CEP192: variants seen among roughly 807,000 people sequenced by gnomAD.
The protein encoded by CEP192 is centrosomal protein of 192 kDa.
In CEP192, 151 loss-of-function variants were observed where a neutral mutation model predicts 271.8. The ratio of observed to expected loss-of-function variants is 0.56; its 90% CI spans 0.49 to 0.64. The LOEUF (loss-of-function observed/expected upper bound fraction) is 0.64, where lower values mean the gene tolerates loss of function less well. Ranked by LOEUF, CEP192 falls within the 30% of genes least tolerant of loss-of-function variation. The pLI is 0.00. For synonymous variants in CEP192, 995 were observed against 1,076.5 expected, an observed-to-expected ratio of 0.92 and a Z score of 1.48; for missense variants, 2,910 against 3,020.5, an observed-to-expected ratio of 0.96 and a Z score of 0.86.
chr18:13,007,539 C>G (rs189118085), intron 3 of CEP192, among the ~76,000 whole-genome samples: 68 of 152,288 alleles, frequency 4.5e-4, no homozygotes, highest in Non-Finnish European at 1.5e-5. Context: ...TCCCCCACCT[C>G]TTTTCCTTTC....
At position 13,099,700 on chromosome 18, in the gene CEP192, A is replaced by G. The variant is rs149025625; in HGVS notation, c.6663+119A>G. On this transcript the variant is annotated intron_variant, in intron 37 of 44. Transcript: ENST00000506447. ...CAAATGAAAGCGTACTTGACCCTTC[A>G]TATTTGTGGGTTCCACTTCCAGGGA... 363 of 573,986 alleles carry G rather than the reference A, an allele frequency of 6.3e-4. 3 individuals carry two copies. In the East Asian group the frequency reaches 0.011, roughly 17 times the overall value. The allele number at this position is 573,986 out of a possible 1,614,324, so 35.6% of individuals were successfully genotyped here.
chr18:13,017,409 C>T (rs1397962976), intron 7 of CEP192, 73 bp downstream of exon 7: 3 of 1,197,616 alleles, frequency 2.5e-6, no homozygotes, highest in Non-Finnish European at 3.4e-6. Flanking sequence ...TGGATGTTCA[C>T]ATGAAATGTA....
At chr18:13,094,020 GGCC>G (rs2039274486) in intron 34 of CEP192, among the ~76,000 whole-genome samples, 1 of 152,134 alleles carries the variant, frequency 6.6e-6, no homozygotes, top group Non-Finnish European at 1.5e-5. Context: ...ATGGAGTCCA[GGCC>G]AGTTACTTTG....
intron 38 of CEP192, among the ~76,000 whole-genome samples, chr18:13,101,547 C>G (rs1598607405): frequency 6.6e-6 from 1 of 152,290 alleles, no homozygotes; most frequent in Admixed American, 6.5e-5. Flanking sequence ...TCCCTCACTG[C>G]TGGCTCAGGC....
At chr18:13,067,758 A>G in intron 21 of CEP192, 73 bp from the exon 22 acceptor site, 2 of 1,255,344 alleles carry the variant, frequency 1.6e-6, no homozygotes, top group East Asian at 2.4e-5. Flanking sequence ...TAGAAATGGC[A>G]GTGATATGAA....
At chr18:13,075,285 G>A (rs1246308926) in intron 30 of CEP192, among the ~76,000 whole-genome samples, 4 of 148,630 alleles carry the variant, frequency 2.7e-5, no homozygotes, top group South Asian at 2.2e-4. Context: ...AGAGCAGCCC[G>A]GCCGGGTGCG....
At chr18:13,005,808 A>G (rs1242477077) in intron 3 of CEP192, among the ~76,000 whole-genome samples, 3 of 152,244 alleles carry the variant, frequency 2.0e-5, no homozygotes, top group Non-Finnish European at 4.4e-5. Flanking sequence ...TTGTGTTTCA[A>G]AATGTCTTTA....
At chr18:13,091,118 G>A (rs532858759) in intron 33 of CEP192, among the ~76,000 whole-genome samples, 1 of 152,202 alleles carries the variant, frequency 6.6e-6, no homozygotes, top group South Asian at 2.1e-4. Flanking sequence ...ATCTGGGAGG[G>A]CACCTCACTT....
intron 9 of CEP192, 49 bp downstream of exon 9, chr18:13,019,255 G>A (rs774734734): frequency 6.4e-6 from 9 of 1,404,918 alleles, no homozygotes; most frequent in Non-Finnish European, 8.4e-6. Flanking sequence ...GGAATAAGGG[G>A]TCTTTTGTGT....
chr18:13,118,447 G>C (rs1179854610), intron 44 of CEP192, among the ~76,000 whole-genome samples: 1 of 152,204 alleles, frequency 6.6e-6, no homozygotes, highest in Non-Finnish European at 1.5e-5. Context: ...ATACTGGAAA[G>C]ATGGCTCGAT....
chr18:13,001,500 T>G lies in CEP192; in HGVS notation c.208T>G (p.Ser70Ala). The G allele has an allele frequency of 6.4e-7, 1 of 1,550,422 alleles. No individual in the cohort carries two copies. Among genetic ancestry groups the G allele is most frequent in the Non-Finnish European group, 8.7e-7 (1 of 1,146,002 alleles). ...QASYLVEGRF[S>A]VPSGSSPGSQ... ...ATCTTACTTAGTAGAAGGGAGATTTTCAGTTCCATCCGGGTCATCTCCCGG... is the reference window on the plus strand; with the variant it reads ...ATCTTACTTAGTAGAAGGGAGATTTGCAGTTCCATCCGGGTCATCTCCCGG... Residue 70 changes from serine (S) to alanine (A), a missense_variant, in exon 3 of 45, where the codon TCA becomes GCA. By Grantham distance (99) the Ser-to-Ala change is moderately conservative. Transcript: ENST00000506447.
intron 18 of CEP192, among the ~76,000 whole-genome samples, chr18:13,055,423 C>G (rs1447067282): frequency 1.3e-5 from 2 of 152,214 alleles, no homozygotes; most frequent in African/African-American, 4.8e-5. Context: ...TCAGCCCCCA[C>G]TCCTTCGTTA....
chr18:13,103,861 T>C, intron 39 of CEP192: 1 of 510,774 alleles, frequency 2.0e-6, no homozygotes, highest in Non-Finnish European at 3.8e-6. Flanking sequence ...AGCTAACTTT[T>C]TGTTTTTTTG....
chr18:12,994,840 G>C (rs781759457), intron 1 of CEP192, among the ~76,000 whole-genome samples: 9 of 152,114 alleles, frequency 5.9e-5, no homozygotes, highest in Non-Finnish European at 1.3e-4. Flanking sequence ...TAAATTGCAT[G>C]ATGCAAAGTC....
chr18:13,002,350 G>C (rs943578540), intron 3 of CEP192, among the ~76,000 whole-genome samples: 2 of 151,814 alleles, frequency 1.3e-5, no homozygotes, highest in Non-Finnish European at 2.9e-5. Context: ...GCAGTATTAT[G>C]TTCAGTTTTC....
In CEP192 at chr18:13,068,842, T is replaced by C. The variant is rs769318052; in HGVS notation, c.4823-10T>C. 5 of 1,611,534 alleles carry C rather than the reference T, an allele frequency of 3.1e-6. No homozygotes were observed. In the South Asian group the frequency reaches 3.3e-5, roughly 11 times the overall value. On this transcript the variant is annotated splice_polypyrimidine_tract_variant and intron_variant, in intron 24 of 44. Coordinates refer to ENST00000506447, the MANE Select transcript of CEP192 (RefSeq NM_032142.4). Reference sequence around the variant, plus strand: ...TGGTCTCCAAGCTAAAAGAATGAACTTTTTTTTAGATATTCTGGACTCAGC... The same window carrying C: ...TGGTCTCCAAGCTAAAAGAATGAACCTTTTTTTAGATATTCTGGACTCAGC...
Position 13,018,470 on chromosome 18 carries a change from C to T in CEP192, c.790-10C>T. On this transcript the variant is annotated splice_polypyrimidine_tract_variant and intron_variant, in intron 7 of 44. Coordinates refer to ENST00000506447, the MANE Select transcript of CEP192 (RefSeq NM_032142.4). The stretch of plus-strand genomic sequence containing the variant: ...AAAAGATTAATACAGCTAAGATATT[C>T]TTTCAACAGGCAAATGAAAACGGTA... 6.7e-7 allele frequency: 1 copy of T among 1,494,048 alleles called. No individual in the cohort carries two copies. The highest frequency in any genetic ancestry group is 9.0e-7 in the Non-Finnish European group (1 of 1,110,532). The allele number at this position is 1,494,048 out of a possible 1,614,324, so 92.5% of individuals were successfully genotyped here. A position where few individuals can be genotyped will look rare whatever the true frequency, so the allele number is the denominator to read the frequency against.
chr18:13,035,222 T>G (rs2035853942), intron 11 of CEP192, among the ~76,000 whole-genome samples: 1 of 152,198 alleles, frequency 6.6e-6, no homozygotes, highest in Non-Finnish European at 1.5e-5. Flanking sequence ...AAAAACCAGG[T>G]GATATTTAAC....
intron 40 of CEP192, among the ~76,000 whole-genome samples, chr18:13,110,673 C>G (rs2040169646): frequency 6.6e-6 from 1 of 152,138 alleles, no homozygotes; most frequent in Admixed American, 6.5e-5. Flanking sequence ...CATCTGCAGG[C>G]TGGGGAAGAA....
Sources: gnomAD v4.1 joint callset for allele counts (sites outside exome capture counted in the v4.1 genomes callset) on GRCh38, gnomAD v4.1.1 for gene constraint, MANE v1.5 for transcripts, NCBI Gene and HGNC (gene_info 2026-07-23, HGNC 2026-07-21) for gene names.